Variants in HSPA9 observed in about 807,000 individuals in gnomAD.
The protein encoded by HSPA9 is heat shock protein family A (Hsp70) member 9, also known as stress-70 protein, mitochondrial.
A neutral mutation model predicts 81.5 loss-of-function variants in HSPA9; 28 were observed. That is an observed-to-expected ratio of 0.34 (90% CI 0.25 to 0.47). The LOEUF is 0.47. HSPA9 is among the 20% of genes least tolerant of loss of function. The pLI is 1.00. For synonymous variants in HSPA9, 293 were observed against 290.4 expected, an observed-to-expected ratio of 1.01 and a Z score of -0.09; for missense variants, 678 against 838.0, an observed-to-expected ratio of 0.81 and a Z score of 2.36.
chr5:138,570,213 G>A (rs148368671), intron 4 of HSPA9, among the ~76,000 whole-genome samples: 2,684 of 152,064 alleles, frequency 0.018, 71 homozygotes, highest in African/African-American at 0.061. Flanking sequence ...GGTGGCTCAC[G>A]CCTGTAATCC....
chr5:138,558,868 G>A, intron 11 of HSPA9: 2 of 528,426 alleles, frequency 3.8e-6, no homozygotes, highest in South Asian at 2.0e-5. Context: ...CTAAGCAAAT[G>A]CATTGTACAA....
At chr5:138,564,304 G>A (rs930863057) in intron 9 of HSPA9, among the ~76,000 whole-genome samples, 8 of 152,156 alleles carry the variant, frequency 5.3e-5, no homozygotes, top group East Asian at 1.9e-4. Flanking sequence ...CGGTTTCACC[G>A]TGTTGGCGAG....
Position 138,563,720 on chromosome 5 carries a change from T to G in HSPA9, c.973-1931A>C, listed in dbSNP as rs1750705474. 5.9e-5 allele frequency among the ~76,000 whole-genome samples: 9 copies of G among 152,262 alleles called. No homozygotes were observed. The South Asian group carries it at 1.9e-3, about 31-fold the overall frequency. On this transcript the variant is annotated intron_variant, in intron 9 of 16. Transcript: ENST00000297185. ...GCCTCTAGCCCAAGGGTATCCAATC[T>G]TTTGGCTTCCTTGGGCCACACATAA...
At chr5:138,563,318 T>A (rs1015191975) in intron 9 of HSPA9, among the ~76,000 whole-genome samples, 1 of 152,204 alleles carries the variant, frequency 6.6e-6, no homozygotes, top group African/African-American at 2.4e-5. Context: ...TTTAATTAAT[T>A]CAAAACCCAT....
At chr5:138,561,936 C>A in intron 9 of HSPA9, 147 bp from the exon 10 acceptor site, 3 of 699,750 alleles carry the variant, frequency 4.3e-6, no homozygotes, top group South Asian at 1.6e-5. Context: ...GAATAGTCAC[C>A]AAGAATACTT....
At chr5:138,558,443 C>A (rs972354529) in intron 12 of HSPA9, 110 bp downstream of exon 12, 1 of 787,568 alleles carries the variant, frequency 1.3e-6, no homozygotes, top group Non-Finnish European at 2.3e-6. Context: ...CTCAAGACTA[C>A]TCAGTATGTA....
At chr5:138,572,298 G>A (rs1357071839) in intron 3 of HSPA9, among the ~76,000 whole-genome samples, 1 of 150,728 alleles carries the variant, frequency 6.6e-6, no homozygotes, top group Non-Finnish European at 1.5e-5. Context: ...CCTTTGTAGT[G>A]CTGATAATTG....
At chr5:138,572,217 G>C (rs1301697205) in intron 3 of HSPA9, among the ~76,000 whole-genome samples, 2 of 151,140 alleles carry the variant, frequency 1.3e-5, no homozygotes, top group Admixed American at 6.6e-5. Flanking sequence ...TTACAGGCAT[G>C]ACCCACCAGG....
At position 138,559,889 on chromosome 5, in the gene HSPA9, G is replaced by A. The variant is rs1750615904; in HGVS notation, c.1385C>T (p.Thr462Ile). 1 of 1,611,040 alleles carries A rather than the reference G, an allele frequency of 6.2e-7. No individual in the cohort carries two copies. Among genetic ancestry groups the A allele is most frequent in the South Asian group, 1.1e-5 (1 of 91,006 alleles). ...CTGGCTCTTCTTGGTTGGAATAGTG[G>A]TATTCCTATTAATAAGTTTGGTAAA... is the stretch of plus-strand genomic sequence containing the variant. ...GVFTKLINRN[T>I]TIPTKKSQVF... Residue 462 changes from threonine (T) to isoleucine (I), a missense_variant, in exon 11 of 17, where the codon ACC (threonine) becomes ATC (isoleucine). Physicochemically the swap from Thr to Ile is moderately conservative, Grantham distance 89. This residue lies in a region of HSPA9 where 484 missense variants were observed against 647.5 expected (regional missense o/e 0.75). Transcript: ENST00000297185.
chr5:138,559,758 C>T, intron 11 of HSPA9, 106 bp downstream of exon 11: 1 of 778,006 alleles, frequency 1.3e-6, no homozygotes, highest in Admixed American at 2.0e-5. Context: ...AACTGTAAAA[C>T]AGATAAAAAT....
intron 5 of HSPA9, 115 bp from the exon 6 acceptor site, chr5:138,567,837 A>G (rs2127159063): frequency 3.8e-6 from 3 of 786,490 alleles, no homozygotes; most frequent in East Asian, 5.3e-5. Context: ...GTCTTTTGGT[A>G]AGTGACCTAA....
At chr5:138,573,640 C>CAAA (rs1751001394) in intron 3 of HSPA9, 123 bp downstream of exon 3, 2 of 423,684 alleles carry the variant, frequency 4.7e-6, no homozygotes, top group African/African-American at 6.2e-5. Flanking sequence ...GAGACTGTCT[C>CAAA]CAAAAAAAAA....
At position 138,575,277 on chromosome 5, in the gene HSPA9, G is replaced by A. The variant is rs1751066536; in HGVS notation, c.42C>T (p.Gly14=). The A allele has an allele frequency of 6.2e-7, 1 of 1,611,484 alleles. No individual in the cohort carries two copies. Among genetic ancestry groups the A allele is most frequent in the East Asian group, 2.2e-5 (1 of 44,806 alleles). ...ASRAAAARLV[G]AAASRGPTAA... Reference sequence around the variant, plus strand: ...CCGTAGGGCCCCGGGAGGCTGCGGCGCCCACGAGACGGGCTGCTGCAGCTC... The same window carrying A: ...CCGTAGGGCCCCGGGAGGCTGCGGCACCCACGAGACGGGCTGCTGCAGCTC... The change falls in exon 1 of 17, where the codon GGC becomes GGT. Residue 14 remains glycine (G), a synonymous_variant. Coordinates refer to ENST00000297185, the MANE Select transcript of HSPA9 (RefSeq NM_004134.7).
At position 138,555,756 on chromosome 5, in the gene HSPA9, G is replaced by A. The variant is rs1229149564; in HGVS notation, c.*281C>T. 1 of 468,352 alleles carries A rather than the reference G, an allele frequency of 2.1e-6. No homozygotes were observed. Among genetic ancestry groups the A allele is most frequent in the African/African-American group, 2.0e-5 (1 of 50,566 alleles). 29.0% of individuals were successfully genotyped at this position (468,352 alleles called of 1,614,324 possible). On this transcript the variant is annotated 3_prime_UTR_variant, in exon 17 of 17. Transcript: ENST00000297185. ...AATATGGTCACTTCAGCATAAAATA[G>A]TTAAATCTTTATAATGATCAATTCA...
At chr5:138,557,601 A>G (rs557412892) in intron 13 of HSPA9, 105 bp from the exon 14 acceptor site, 22 of 800,180 alleles carry the variant, frequency 2.7e-5, no homozygotes, top group South Asian at 1.7e-4. Context: ...CAATCTTGAT[A>G]CAAATTATGA....
chr5:138,561,093 TA>T, intron 10 of HSPA9: 1 of 495,092 alleles, frequency 2.0e-6, no homozygotes, highest in Non-Finnish European at 4.1e-6. Context: ...ATGTGTTGAA[TA>T]AAATACATCA....
At chr5:138,557,207 C>G in intron 14 of HSPA9, 195 bp downstream of exon 14, 1 of 635,700 alleles carries the variant, frequency 1.6e-6, no homozygotes, top group Non-Finnish European at 2.9e-6. Flanking sequence ...TCAAGCGATT[C>G]TCCTGCCTGA....
In HSPA9 at chr5:138,573,958, CTAAA is replaced by C. The variant is rs1234021997; in HGVS notation, c.140+106_140+109del. The C allele has an allele frequency of 5.3e-5, 67 of 1,259,638 alleles. No individual in the cohort carries two copies. In the African/African-American group the frequency reaches 6.3e-4, roughly 12 times the overall value. The allele number at this position is 1,259,638 out of a possible 1,614,324, so 78.0% of individuals were successfully genotyped here. A position where few individuals can be genotyped will look rare whatever the true frequency, so the allele number is the denominator to read the frequency against. On this transcript the variant is annotated intron_variant, in intron 2 of 16. Coordinates refer to ENST00000297185, the MANE Select transcript of HSPA9 (RefSeq NM_004134.7). ...TTAACAGTGGTATACTACATAATCT[CTAAA>C]TAAATACAGATAAATAATTACAGAG...
At chr5:138,563,043 A>G (rs1394963332) in intron 9 of HSPA9, among the ~76,000 whole-genome samples, 1 of 152,234 alleles carries the variant, frequency 6.6e-6, no homozygotes, top group Non-Finnish European at 1.5e-5. Context: ...GAAGTATCCT[A>G]AACATTTGAA....
Sources: gnomAD v4.1 joint callset for allele counts (sites outside exome capture counted in the v4.1 genomes callset) on GRCh38, gnomAD v4.1.1 for gene constraint, gnomAD v4.1.1 regional missense constraint, MANE v1.5 for transcripts, NCBI Gene and HGNC (gene_info 2026-07-23, HGNC 2026-07-21) for gene names.